The following CPXM2 variants were observed in gnomAD, a reference collection of about 807,000 sequenced individuals.
CPXM2 encodes inactive carboxypeptidase-like protein X2.
A neutral mutation model predicts 86.1 loss-of-function variants in CPXM2; 66 were observed. The ratio of observed to expected loss-of-function variants is 0.77; its 90% CI spans 0.63 to 0.94. The LOEUF (loss-of-function observed/expected upper bound fraction) is 0.94, where lower values mean the gene tolerates loss of function less well. Among genes scored for constraint, CPXM2 ranks in the 40% least tolerant of loss-of-function variants. The pLI, the probability that CPXM2 is intolerant of heterozygous loss-of-function variation, is 0.00. For synonymous variants in CPXM2, 388 were observed against 400.2 expected (o/e 0.97, Z 0.36); for missense variants, 948 against 1,026.3 (o/e 0.92, Z 1.04).
intron 2 of CPXM2, among the ~76,000 whole-genome samples, chr10:123,868,486 C>T (rs1210759060): frequency 6.6e-6 from 1 of 152,160 alleles, no homozygotes; most frequent in South Asian, 2.1e-4. Context: ...CAGCCACAGT[C>T]CCGGGCTTGT....
intron 2 of CPXM2, among the ~76,000 whole-genome samples, chr10:123,934,867 G>C (rs117956457): frequency 6.6e-6 from 1 of 152,218 alleles, no homozygotes; most frequent in South Asian, 2.1e-4. Flanking sequence ...GATGAAGTTC[G>C]TTTCAAGTTC....
intron 4 of CPXM2, among the ~76,000 whole-genome samples, chr10:123,800,274 C>A (rs1185814695): frequency 1.3e-5 from 2 of 151,890 alleles, no homozygotes; most frequent in Non-Finnish European, 2.9e-5. Context: ...GGAAACAAAC[C>A]CTCATCTCAC....
At chr10:123,798,487 C>T (rs1373990483) in intron 5 of CPXM2, among the ~76,000 whole-genome samples, 7 of 152,132 alleles carry the variant, frequency 4.6e-5, no homozygotes, top group South Asian at 2.1e-4. Flanking sequence ...TATTTAGATC[C>T]GTAGGGATGA....
intron 3 of CPXM2, among the ~76,000 whole-genome samples, chr10:123,844,449 A>C (rs186674946): frequency 6.6e-6 from 1 of 152,006 alleles, no homozygotes; most frequent in African/African-American, 2.4e-5. Flanking sequence ...ATTTTTTTTT[A>C]CCTTAAAGAA....
intron 6 of CPXM2, among the ~76,000 whole-genome samples, chr10:123,789,997 A>T (rs1847169984): frequency 2.6e-5 from 4 of 152,200 alleles, no homozygotes; most frequent in Non-Finnish European, 5.9e-5. Context: ...GAGCACCTGT[A>T]GCCCCAGCTA....
intron 3 of CPXM2, among the ~76,000 whole-genome samples, chr10:123,848,603 C>T (rs936479960): frequency 6.6e-6 from 1 of 152,202 alleles, no homozygotes; most frequent in Admixed American, 6.5e-5. Flanking sequence ...TTCACATCAA[C>T]ATTCTAATTC....
At chr10:123,914,326 C>T (rs1032618554) in intron 2 of CPXM2, among the ~76,000 whole-genome samples, 17 of 152,218 alleles carry the variant, frequency 1.1e-4, no homozygotes, top group Non-Finnish European at 1.9e-4. Flanking sequence ...CGTCTTCCTT[C>T]TCTGAGACTC....
At chr10:123,853,808 G>A (rs533476145) in intron 3 of CPXM2, among the ~76,000 whole-genome samples, 74 of 152,214 alleles carry the variant, frequency 4.9e-4, no homozygotes, top group African/African-American at 1.7e-3. Context: ...AGGAGGCTGA[G>A]GTGCAAGAAT....
upstream of CPXM2, among the ~76,000 whole-genome samples, chr10:123,894,971 C>T (rs528199508): frequency 1.3e-5 from 2 of 152,182 alleles, no homozygotes; most frequent in South Asian, 2.1e-4. Context: ...CCTTGCTCCC[C>T]GACCGAAGAA....
intron 2 of CPXM2, among the ~76,000 whole-genome samples, chr10:123,877,010 C>A (rs1374983462): frequency 6.6e-6 from 1 of 152,172 alleles, no homozygotes; most frequent in Non-Finnish European, 1.5e-5. Flanking sequence ...CAATCACCAA[C>A]TTTGATGCTT....
At chr10:123,890,357 T>G (rs769101425) in intron 1 of CPXM2, among the ~76,000 whole-genome samples, 7 of 152,206 alleles carry the variant, frequency 4.6e-5, no homozygotes. Context: ...GGTCCACCCT[T>G]TCAGGAGTTC....
At chr10:123,859,113 C>T (rs1477488383) in intron 3 of CPXM2, among the ~76,000 whole-genome samples, 3 of 152,190 alleles carry the variant, frequency 2.0e-5, no homozygotes, top group African/African-American at 4.8e-5. Flanking sequence ...AGTCCTAGGC[C>T]GGCACAGCGC....
At chr10:123,898,287 CTT>C (rs1362209605) in intron 2 of CPXM2, among the ~76,000 whole-genome samples, 3 of 152,068 alleles carry the variant, frequency 2.0e-5, no homozygotes, top group Non-Finnish European at 2.9e-5. Flanking sequence ...GTCAAACAAT[CTT>C]TATTAAAAAA....
At chr10:123,924,923 C>G (rs1945611319) in intron 2 of CPXM2, among the ~76,000 whole-genome samples, 1 of 151,406 alleles carries the variant, frequency 6.6e-6, no homozygotes, top group African/African-American at 2.5e-5. Context: ...AAAGACACTC[C>G]TAGAACACCT....
At chr10:123,824,441 C>T (rs1335810996) in intron 4 of CPXM2, among the ~76,000 whole-genome samples, 2 of 152,152 alleles carry the variant, frequency 1.3e-5, no homozygotes, top group African/African-American at 4.8e-5. Flanking sequence ...GAAGCTAACA[C>T]AGCATAAAAG....
At chr10:123,935,930 T>C (rs1385185003) in intron 2 of CPXM2, among the ~76,000 whole-genome samples, 22 of 72,474 alleles carry the variant, frequency 3.0e-4, no homozygotes, top group Non-Finnish European at 3.7e-4. Context: ...TCACCACATT[T>C]ACCATCATCA....
chr10:123,936,075 T>A (rs61861982), intron 2 of CPXM2, among the ~76,000 whole-genome samples: 108 of 1,114 alleles, frequency 0.097, 3 homozygotes, highest in East Asian at 0.19. Flanking sequence ...CACCACTATC[T>A]TTACCATCAC....
At chr10:123,803,984 G>A (rs569937373) in intron 4 of CPXM2, among the ~76,000 whole-genome samples, 30 of 152,132 alleles carry the variant, frequency 2.0e-4, no homozygotes, top group African/African-American at 7.2e-4. Flanking sequence ...TTTCTATATG[G>A]GCTTCCAGCT....
At chr10:123,750,061 G>C (rs1178526655) in intron 13 of CPXM2, 2 of 953,562 alleles carry the variant, frequency 2.1e-6, no homozygotes, top group African/African-American at 3.7e-5. Flanking sequence ...CTCATGATCT[G>C]CCTGCCTTGG....
Sources: gnomAD v4.1 joint callset for allele counts (sites outside exome capture counted in the v4.1 genomes callset) on GRCh38, gnomAD v4.1.1 for gene constraint, MANE v1.5 for transcripts, NCBI Gene and HGNC (gene_info 2026-07-23, HGNC 2026-07-21) for gene names.